PRKCA: variants seen among roughly 807,000 people sequenced by gnomAD.
The protein encoded by PRKCA is protein kinase C alpha type.
In PRKCA, 27 loss-of-function variants were observed where a neutral mutation model predicts 87.0. The observed-to-expected ratio is 0.31, with a 90% CI of 0.23 to 0.43. The LOEUF (loss-of-function observed/expected upper bound fraction) is 0.43. PRKCA is among the 20% of genes least tolerant of loss of function. The pLI, the probability that PRKCA is intolerant of heterozygous loss-of-function variation, is 1.00. For synonymous variants in PRKCA, 329 were observed against 311.1 expected, an observed-to-expected ratio of 1.06 and a Z score of -0.61; for missense variants, 518 against 852.3, an observed-to-expected ratio of 0.61 and a Z score of 4.88.
intron 5 of PRKCA, among the ~76,000 whole-genome samples, chr17:66,657,768 G>A (rs919541565): frequency 3.6e-4 from 55 of 152,106 alleles, no homozygotes; most frequent in Non-Finnish European, 6.5e-4. Flanking sequence ...AGACCCTGAA[G>A]TCTGTTTCAA....
rs575553051 is a variant in PRKCA at position 66,518,303 on chromosome 17, TTGATAATATG to T, written c.288+22025_288+22034del. ...TGATGTGTCTTTTCCTTGTAGTTGG[TTGATAATATG>T]TGATTTGCTTATACCACATTCTGAT... is the stretch of plus-strand genomic sequence containing the variant. On this transcript the variant is annotated intron_variant, in intron 3 of 16. Coordinates refer to ENST00000413366, the MANE Select transcript of PRKCA (RefSeq NM_002737.3). Among the ~76,000 whole-genome samples, 524 of 152,294 alleles carry T rather than the reference TTGATAATATG, an allele frequency of 3.4e-3. 3 individuals carry two copies. The highest frequency in any genetic ancestry group is 0.012 in the African/African-American group (490 of 41,556).
intron 3 of PRKCA, among the ~76,000 whole-genome samples, chr17:66,513,749 CAT>C (rs1437782642): frequency 1.3e-5 from 2 of 152,062 alleles, no homozygotes; most frequent in South Asian, 2.1e-4. Flanking sequence ...CTTATAAAGA[CAT>C]AGAAAAATGC....
chr17:66,804,192 T>C lies in PRKCA; in HGVS notation c.*155T>C. 2 of 1,001,878 alleles carry C rather than the reference T, an allele frequency of 2.0e-6. No individual in the cohort carries two copies. Among genetic ancestry groups the C allele is most frequent in the South Asian group, 1.9e-5 (1 of 52,766 alleles). 62.1% of individuals were successfully genotyped at this position (1,001,878 alleles called of 1,614,324 possible). A position where few individuals can be genotyped will look rare whatever the true frequency, so the allele number is the denominator to read the frequency against. On this transcript the variant is annotated 3_prime_UTR_variant, in exon 17 of 17. Coordinates refer to ENST00000413366, the MANE Select transcript of PRKCA (RefSeq NM_002737.3). Reference sequence around the variant, plus strand: ...GGTTATTAGTCCAAATGTGATCAACTGTTCAGGGTCTCTCTCTTACAACCA... The same window carrying C: ...GGTTATTAGTCCAAATGTGATCAACCGTTCAGGGTCTCTCTCTTACAACCA...
intron 3 of PRKCA, among the ~76,000 whole-genome samples, chr17:66,565,859 C>T (rs1324495064): frequency 6.6e-6 from 1 of 152,102 alleles, no homozygotes; most frequent in Non-Finnish European, 1.5e-5. Context: ...TATGTATATT[C>T]ATTTTAATGC....
At chr17:66,447,449 T>C (rs1360451274) in intron 2 of PRKCA, among the ~76,000 whole-genome samples, 3 of 152,200 alleles carry the variant, frequency 2.0e-5, no homozygotes, top group African/African-American at 7.2e-5. Flanking sequence ...GGGGCCTTAG[T>C]GCTTTCTGAG....
At chr17:66,394,065 A>G (rs1470452829) in intron 2 of PRKCA, among the ~76,000 whole-genome samples, 2 of 152,070 alleles carry the variant, frequency 1.3e-5, no homozygotes, top group Admixed American at 1.3e-4. Context: ...ACAGACTGAG[A>G]CTGTCTCAAA....
At chr17:66,471,630 A>G (rs918106262) in intron 2 of PRKCA, among the ~76,000 whole-genome samples, 1 of 151,740 alleles carries the variant, frequency 6.6e-6, no homozygotes, top group African/African-American at 2.4e-5. Flanking sequence ...GGAAAATTGA[A>G]TGGACTGTTT....
Position 66,496,744 on chromosome 17 carries a change from A to G in PRKCA, c.288+461A>G, listed in dbSNP as rs1916493682. Among the ~76,000 whole-genome samples the G allele has an allele frequency of 3.9e-5, 6 of 152,068 alleles. No individual in the cohort carries two copies. The South Asian group carries it at 1.0e-3, about 26-fold the overall frequency. ...CTGCAACCTCCGCCTTCCAGGTTCA[A>G]GCGATTTTCCTGCCTCAGCCTCCTG... On this transcript the variant is annotated intron_variant, in intron 3 of 16. Coordinates refer to ENST00000413366, the MANE Select transcript of PRKCA (RefSeq NM_002737.3).
intron 3 of PRKCA, among the ~76,000 whole-genome samples, chr17:66,587,764 TATAC>T (rs1969650337): frequency 2.5e-5 from 2 of 79,360 alleles, no homozygotes; most frequent in Admixed American, 1.4e-4. Context: ...TGTATACATA[TATAC>T]GTATATGTGT....
At chr17:66,523,797 G>A (rs4383184) in intron 3 of PRKCA, among the ~76,000 whole-genome samples, 21,256 of 152,170 alleles carry the variant, frequency 0.14, 1,787 homozygotes, top group East Asian at 0.3. Flanking sequence ...GTGCCTGGTG[G>A]ACATGAAGAA....
chr17:66,669,187 G>T (rs559906280), intron 5 of PRKCA, among the ~76,000 whole-genome samples: 1 of 152,124 alleles, frequency 6.6e-6, no homozygotes, highest in South Asian at 2.1e-4. Flanking sequence ...CAAGCAGAAT[G>T]AGATTTTTTA....
At chr17:66,765,454 A>ATATCTATC (rs1218360664) in intron 13 of PRKCA, among the ~76,000 whole-genome samples, 1 of 130,090 alleles carries the variant, frequency 7.7e-6, no homozygotes, top group African/African-American at 2.9e-5. Flanking sequence ...ATATATATAT[A>ATATCTATC]TCCATATATA....
intron 2 of PRKCA, among the ~76,000 whole-genome samples, chr17:66,436,363 T>G (rs1334828672): frequency 6.6e-6 from 1 of 152,284 alleles, no homozygotes; most frequent in East Asian, 1.9e-4. Context: ...TTTTGCAACC[T>G]TGACCAAATG....
chr17:66,343,215 T>C lies in PRKCA; in HGVS notation c.205+37088T>C, dbSNP rs1907150114. Among the ~76,000 whole-genome samples, 3 of 152,198 alleles carry C rather than the reference T, an allele frequency of 2.0e-5. No homozygotes were observed. In the South Asian group the frequency reaches 6.2e-4, roughly 32 times the overall value. On this transcript the variant is annotated intron_variant, in intron 2 of 16. Coordinates refer to ENST00000413366, the MANE Select transcript of PRKCA (RefSeq NM_002737.3). ...TTTATGCATATAAGTTTAAGTAATT[T>C]AAGTACCAAGTTACTACTAGTACTT...
At chr17:66,348,107 A>G (rs1314245079) in intron 2 of PRKCA, among the ~76,000 whole-genome samples, 1 of 151,698 alleles carries the variant, frequency 6.6e-6, no homozygotes, top group Non-Finnish European at 1.5e-5. Flanking sequence ...ACGCCCGGCT[A>G]ATTTTTATAG....
chr17:66,465,535 G>T (rs1289001779), intron 2 of PRKCA, among the ~76,000 whole-genome samples: 6 of 151,796 alleles, frequency 4.0e-5, no homozygotes, highest in Non-Finnish European at 2.9e-5. Context: ...GGGACTAAAG[G>T]CATGTGCCAC....
intron 2 of PRKCA, among the ~76,000 whole-genome samples, chr17:66,464,256 C>G (rs567418089): frequency 6.6e-6 from 1 of 152,080 alleles, no homozygotes; most frequent in African/African-American, 2.4e-5. Flanking sequence ...CTGGATGCAC[C>G]GCAGTTTATC....
At chr17:66,355,096 G>A (rs577383221) in intron 2 of PRKCA, among the ~76,000 whole-genome samples, 2 of 152,318 alleles carry the variant, frequency 1.3e-5, no homozygotes, top group African/African-American at 2.4e-5. Flanking sequence ...TTCACAATAA[G>A]CACATTTCGT....
chr17:66,506,676 TG>T (rs1567864292), intron 3 of PRKCA, among the ~76,000 whole-genome samples: 1 of 151,974 alleles, frequency 6.6e-6, no homozygotes, highest in Admixed American at 6.6e-5. Context: ...ATGCTGGGGG[TG>T]TGGGGGAACA....
Sources: allele counts gnomAD v4.1 joint callset (sites outside exome capture counted in the v4.1 genomes callset), GRCh38; gene constraint gnomAD v4.1.1; transcripts MANE v1.5; gene names NCBI Gene and HGNC (gene_info 2026-07-23, HGNC 2026-07-21).